GRIN3A: variants seen among roughly 807,000 people sequenced by gnomAD.
GRIN3A encodes glutamate receptor ionotropic, NMDA 3A.
A neutral mutation model predicts 92.4 loss-of-function variants in GRIN3A; 47 were observed. That is an observed-to-expected ratio of 0.51 (90% CI 0.40 to 0.65). GRIN3A has a LOEUF of 0.65. GRIN3A is among the 30% of genes least tolerant of loss of function. The probability of loss-of-function intolerance (pLI) is 0.00; values close to 1 mark genes in which losing one functional copy is unlikely to be tolerated. For synonymous variants in GRIN3A, 527 were observed against 540.6 expected (o/e 0.97, Z 0.35); for missense variants, 1,324 against 1,393.1 (o/e 0.95, Z 0.79).
At chr9:101,623,619 G>C (rs945908745) in intron 4 of GRIN3A, among the ~76,000 whole-genome samples, 186 bp from the exon 5 acceptor site, 1 of 152,156 alleles carries the variant, frequency 6.6e-6, no homozygotes. Flanking sequence ...GGGGAGACAG[G>C]CACTCTTATA....
At chr9:101,668,396 C>G (rs1829271011) in intron 3 of GRIN3A, among the ~76,000 whole-genome samples, 1 of 151,618 alleles carries the variant, frequency 6.6e-6, no homozygotes, top group Non-Finnish European at 1.5e-5. Flanking sequence ...AGACTAAATA[C>G]TTTTAATTTT....
intron 4 of GRIN3A, among the ~76,000 whole-genome samples, chr9:101,625,264 A>T (rs537756552): frequency 1.5e-4 from 23 of 152,222 alleles, no homozygotes; most frequent in Non-Finnish European, 2.4e-4. Context: ...TTGCAAAAAG[A>T]ATAACTCTTT....
At chr9:101,722,426 T>A (rs549504871) in intron 1 of GRIN3A, among the ~76,000 whole-genome samples, 3 of 152,338 alleles carry the variant, frequency 2.0e-5, no homozygotes, top group South Asian at 2.1e-4. Flanking sequence ...ACTGAAGCAC[T>A]GCCTAGTGGA....
rs73658429 is a variant in GRIN3A, at chr9:101,702,545, G to A, written c.700-15345C>T. Among the ~76,000 whole-genome samples the A allele has an allele frequency of 2.6e-3, 395 of 152,194 alleles. 2 individuals carry two copies. The highest frequency in any genetic ancestry group is 8.9e-3 in the African/African-American group (368 of 41,524). On this transcript the variant is annotated intron_variant, in intron 1 of 8. Transcript: ENST00000361820. ...GCCTTGTTTTCTGATCTCAGCAGTT[G>A]ATTCTTCCCAGTCTGTCATTTCTCT...
chr9:101,633,198 T>C (rs1828736601), intron 3 of GRIN3A, among the ~76,000 whole-genome samples: 1 of 152,200 alleles, frequency 6.6e-6, no homozygotes, highest in African/African-American at 2.4e-5. Flanking sequence ...CAGTGCTGAG[T>C]ATACTCATTT....
chr9:101,733,785 C>T (rs533030097), intron 1 of GRIN3A, among the ~76,000 whole-genome samples: 2 of 152,222 alleles, frequency 1.3e-5, no homozygotes, highest in South Asian at 2.1e-4. Flanking sequence ...TAGTACATAT[C>T]GCTCATGAAG....
At chr9:101,608,353 A>G (rs1487781979) in intron 6 of GRIN3A, among the ~76,000 whole-genome samples, 1 of 152,164 alleles carries the variant, frequency 6.6e-6, no homozygotes, top group African/African-American at 2.4e-5. Context: ...CTTTTATTCA[A>G]TGCTTCCAGC....
At chr9:101,614,162 T>C (rs7854555) in intron 5 of GRIN3A, among the ~76,000 whole-genome samples, 83,867 of 152,026 alleles carry the variant, frequency 0.55, 23,933 homozygotes, top group African/African-American at 0.71. Flanking sequence ...TGCTGTAATA[T>C]AAACTGAAAA....
At chr9:101,607,725 C>A (rs1828305927) in intron 6 of GRIN3A, among the ~76,000 whole-genome samples, 1 of 152,178 alleles carries the variant, frequency 6.6e-6, no homozygotes, top group Admixed American at 6.5e-5. Flanking sequence ...CAAAGCTAAT[C>A]CTGGTTCCCC....
At chr9:101,649,483 C>G (rs1307450454) in intron 3 of GRIN3A, among the ~76,000 whole-genome samples, 1 of 151,950 alleles carries the variant, frequency 6.6e-6, no homozygotes, top group Non-Finnish European at 1.5e-5. Flanking sequence ...CATGAAGATT[C>G]CAGACTGGTG....
chr9:101,624,359 T>A lies in GRIN3A; in HGVS notation c.2499-926A>T, dbSNP rs1419659325. On this transcript the variant is annotated intron_variant, in intron 4 of 8. Coordinates refer to ENST00000361820, the MANE Select transcript of GRIN3A (RefSeq NM_133445.3). ...ATTTAGCATTAGGTATATCTCCTAA[T>A]GCTATCCTTCCCCCCTCCCCCCACC... Among the ~76,000 whole-genome samples the A allele has an allele frequency of 1.0e-3, 154 of 151,088 alleles. 1 individual carries two copies. The highest frequency in any genetic ancestry group is 9.0e-3 in the East Asian group (46 of 5,094).
intron 3 of GRIN3A, among the ~76,000 whole-genome samples, chr9:101,636,601 C>T (rs1459359029): frequency 2.0e-5 from 3 of 152,112 alleles, no homozygotes; most frequent in South Asian, 2.1e-4. Context: ...ATTGTTATCT[C>T]GAGTATATTA....
At chr9:101,715,902 A>G (rs10124481) in intron 1 of GRIN3A, among the ~76,000 whole-genome samples, 7,493 of 152,278 alleles carry the variant, frequency 0.049, 267 homozygotes, top group African/African-American at 0.096. Context: ...CCTTGTAAAT[A>G]CATTTTTAAA....
At chr9:101,583,161 A>G (rs1827910350) in intron 6 of GRIN3A, among the ~76,000 whole-genome samples, 1 of 152,190 alleles carries the variant, frequency 6.6e-6, no homozygotes, top group African/African-American at 2.4e-5. Context: ...CATGCAAGCT[A>G]CTAAGTCGGG....
intron 1 of GRIN3A, among the ~76,000 whole-genome samples, chr9:101,713,019 G>A (rs1829899043): frequency 6.6e-6 from 1 of 152,176 alleles, no homozygotes; most frequent in Non-Finnish European, 1.5e-5. Context: ...AATTGGCAGA[G>A]ATGGGATTCA....
At chr9:101,580,990 A>T (rs1000687957) in intron 6 of GRIN3A, among the ~76,000 whole-genome samples, 1 of 152,246 alleles carries the variant, frequency 6.6e-6, no homozygotes, top group African/African-American at 2.4e-5. Flanking sequence ...AGCCATTGAC[A>T]TCAATGACAA....
rs778995253 is a variant in GRIN3A at position 101,623,344 on chromosome 9, G to A, written c.2588C>T (p.Thr863Ile). 1.2e-6 allele frequency: 2 copies of A among 1,612,598 alleles called. No homozygotes were observed. Among genetic ancestry groups the A allele is most frequent in the South Asian group, 2.2e-5 (2 of 91,044 alleles). ...TTCTATGGCAAATGGCTTCCCCACA[G>A]TGAGAAGTTTGCAGTCAGCATCTAT... ...VSIDADCKLLTVGKPFAIEGY... is the reference protein window; with the variant it reads ...VSIDADCKLLIVGKPFAIEGY... Residue 863 changes from threonine (T) to isoleucine (I), a missense_variant, in exon 5 of 9, where the codon ACT becomes ATT. Coordinates refer to ENST00000361820, the MANE Select transcript of GRIN3A (RefSeq NM_133445.3).
chr9:101,595,568 G>A (rs950256705), intron 6 of GRIN3A, among the ~76,000 whole-genome samples: 4 of 152,084 alleles, frequency 2.6e-5, no homozygotes, highest in African/African-American at 9.7e-5. Flanking sequence ...GGGGAAGCCG[G>A]GATTGACATC....
intron 2 of GRIN3A, among the ~76,000 whole-genome samples, chr9:101,678,954 T>G (rs971190988): frequency 6.6e-6 from 1 of 152,220 alleles, no homozygotes; most frequent in Non-Finnish European, 1.5e-5. Context: ...TTGACTCTTC[T>G]ATACAATTAT....
Sources: allele counts gnomAD v4.1 joint callset (sites outside exome capture counted in the v4.1 genomes callset), GRCh38; gene constraint gnomAD v4.1.1; transcripts MANE v1.5; gene names NCBI Gene and HGNC (gene_info 2026-07-23, HGNC 2026-07-21).